MAST4: variants seen among roughly 807,000 people sequenced by gnomAD.
MAST4 encodes the protein microtubule associated serine/threonine kinase family member 4, also known as microtubule-associated serine/threonine-protein kinase 4.
A neutral mutation model predicts 162.7 loss-of-function variants in MAST4; 89 were observed. The ratio of observed to expected loss-of-function variants is 0.55; its 90% CI spans 0.46 to 0.65. The LOEUF (loss-of-function observed/expected upper bound fraction) is 0.65. Among genes scored for constraint, MAST4 ranks in the 30% least tolerant of loss-of-function variants. The pLI, the probability that MAST4 is intolerant of heterozygous loss-of-function variation, is 0.00. For missense variants in MAST4, 3,153 were observed against 3,374.0 expected, an observed-to-expected ratio of 0.93 and a Z score of 1.62; for synonymous variants, 1,479 against 1,361.1, an observed-to-expected ratio of 1.09 and a Z score of -1.91.
intron 1 of MAST4, among the ~76,000 whole-genome samples, chr5:66,651,162 G>C (rs1746190575): frequency 1.3e-5 from 2 of 152,048 alleles, no homozygotes; most frequent in African/African-American, 4.8e-5. Flanking sequence ...AGTTCTGTTA[G>C]CAGATTTGAT....
chr5:67,137,514 A>G (rs73766482), intron 19 of MAST4, among the ~76,000 whole-genome samples: 6,778 of 152,266 alleles, frequency 0.045, 505 homozygotes, highest in African/African-American at 0.15. Context: ...TTTTAATAGA[A>G]ATAACAGAAA....
At chr5:66,803,210 A>C (rs1756007138) in intron 3 of MAST4, among the ~76,000 whole-genome samples, 1 of 152,184 alleles carries the variant, frequency 6.6e-6, no homozygotes, top group Middle Eastern at 3.2e-3. Context: ...CTCTATATAC[A>C]TGAGTCTGTT....
At chr5:66,807,636 C>T (rs543683226) in intron 3 of MAST4, among the ~76,000 whole-genome samples, 16 of 152,174 alleles carry the variant, frequency 1.1e-4, no homozygotes, top group African/African-American at 3.6e-4. Context: ...GATCTCTTCC[C>T]ACTCATTCCT....
At chr5:66,815,315 G>A (rs1051531730) in intron 3 of MAST4, among the ~76,000 whole-genome samples, 3 of 152,164 alleles carry the variant, frequency 2.0e-5, no homozygotes, top group African/African-American at 7.2e-5. Context: ...CCCCTTATCT[G>A]AGGCTTGACT....
At chr5:66,654,413 C>G (rs561629444) in intron 1 of MAST4, among the ~76,000 whole-genome samples, 42 of 150,870 alleles carry the variant, frequency 2.8e-4, no homozygotes, top group African/African-American at 8.7e-4. Flanking sequence ...CATAAAAGGT[C>G]TGGGAGCCCA....
At position 66,946,660 on chromosome 5, in the gene MAST4, G is replaced by A. The variant is rs576701055; in HGVS notation, c.674+46678G>A. On this transcript the variant is annotated intron_variant, in intron 4 of 28. Transcript: ENST00000403625. ...TAAATGACAAGCGGTAATATATATG[G>A]TGAATGTTCCAGGTGTATTGGAAAT... is the stretch of plus-strand genomic sequence containing the variant. Among the ~76,000 whole-genome samples the A allele has an allele frequency of 4.6e-5, 7 of 152,254 alleles. No individual in the cohort carries two copies. In the South Asian group the frequency reaches 1.5e-3, roughly 32 times the overall value.
intron 1 of MAST4, among the ~76,000 whole-genome samples, chr5:66,727,415 C>T (rs1751591967): frequency 6.6e-6 from 1 of 152,198 alleles, no homozygotes. Context: ...CCTGCACAGG[C>T]TTCTCCAGGT....
In MAST4 at chr5:67,104,470, G is replaced by A. The variant is rs779736333; in HGVS notation, c.1251G>A (p.Gln417=). The stretch of plus-strand genomic sequence containing the variant: ...GAGTGCTTAGTTTCACTCACCACCA[G>A]ATTATTGAACTGGCTCGAGATTGCT... ...ADGVLSFTHH[Q]IIELARDCLD... is the part of the protein sequence containing the mutation. The change falls in exon 10 of 29, where the codon CAG becomes CAA. Residue 417 remains glutamine, a synonymous_variant. Transcript: ENST00000403625. The A allele has an allele frequency of 2.5e-6, 4 of 1,613,894 alleles. No individual in the cohort carries two copies. The highest frequency in any genetic ancestry group is 3.4e-6 in the Non-Finnish European group (4 of 1,179,826).
intron 1 of MAST4, among the ~76,000 whole-genome samples, chr5:66,660,117 G>A (rs1248763429): frequency 2.6e-5 from 4 of 152,192 alleles, no homozygotes; most frequent in Non-Finnish European, 5.9e-5. Context: ...GGCTGGCCAC[G>A]GTGGCTCACA....
At chr5:67,066,304 T>G (rs1024818534) in intron 5 of MAST4, among the ~76,000 whole-genome samples, 5 of 151,636 alleles carry the variant, frequency 3.3e-5, no homozygotes, top group Non-Finnish European at 7.4e-5. Context: ...TAAATAAATA[T>G]AAATCATCTA....
In MAST4 at chr5:66,596,653, G is replaced by C; in HGVS notation, c.-3G>C. 1 of 1,455,146 alleles carries C rather than the reference G, an allele frequency of 6.9e-7. No homozygotes were observed. Among genetic ancestry groups the C allele is most frequent in the Non-Finnish European group, 9.0e-7 (1 of 1,107,432 alleles). The allele number at this position is 1,455,146 out of a possible 1,614,324, so 90.1% of individuals were successfully genotyped here. ...CGGGAGGCACTTTGGGCCAGACAGG[G>C]AAATGGGGGAGAAAGTTTCGGAGGC... On this transcript the variant is annotated 5_prime_UTR_variant, in exon 1 of 29. Transcript: ENST00000403625.
intron 1 of MAST4, among the ~76,000 whole-genome samples, chr5:66,643,787 C>A (rs569113138): frequency 3.3e-5 from 5 of 151,522 alleles, no homozygotes; most frequent in Admixed American, 6.6e-5. Flanking sequence ...AGTTTAAATG[C>A]AAATGGAAAA....
At chr5:66,660,348 A>G (rs1242637925) in intron 1 of MAST4, among the ~76,000 whole-genome samples, 2 of 152,110 alleles carry the variant, frequency 1.3e-5, no homozygotes, top group Non-Finnish European at 2.9e-5. Flanking sequence ...AGATCGCGCC[A>G]TAGCACTCCA....
intron 5 of MAST4, among the ~76,000 whole-genome samples, chr5:67,075,178 T>TTTC (rs397720961): frequency 2.7e-5 from 4 of 148,940 alleles, no homozygotes; most frequent in African/African-American, 9.9e-5. Context: ...TTTTTTTTTT[T>TTTC]CGTTCCTTTT....
intron 1 of MAST4, among the ~76,000 whole-genome samples, chr5:66,746,117 T>G (rs182859764): frequency 6.6e-6 from 1 of 152,312 alleles, no homozygotes; most frequent in East Asian, 1.9e-4. Context: ...TACAGATGAT[T>G]TTTAGGTCCT....
chr5:66,816,474 G>T lies in MAST4; in HGVS notation c.642+27680G>T, dbSNP rs190852470. Among the ~76,000 whole-genome samples the T allele has an allele frequency of 1.3e-3, 201 of 152,228 alleles. 1 individual carries two copies. The highest frequency in any genetic ancestry group is 4.7e-3 in the African/African-American group (197 of 41,528). On this transcript the variant is annotated intron_variant, in intron 3 of 28. Coordinates refer to ENST00000403625, the MANE Select transcript of MAST4 (RefSeq NM_001164664.2). ...GGAACATAGTAGGAAAGTCTTTTAG[G>T]TATTTGAGCTGTTTTATGTAAGAGT...
intron 1 of MAST4, among the ~76,000 whole-genome samples, chr5:66,648,303 A>G (rs569413414): frequency 6.6e-6 from 1 of 152,124 alleles, no homozygotes; most frequent in Non-Finnish European, 1.5e-5. Flanking sequence ...TTAACTTGGC[A>G]TGGCAAAGAA....
intron 4 of MAST4, among the ~76,000 whole-genome samples, chr5:66,956,616 G>A (rs1745347887): frequency 6.6e-6 from 1 of 152,176 alleles, no homozygotes; most frequent in African/African-American, 2.4e-5. Flanking sequence ...CAGTTCTCTA[G>A]CATCCCCTCA....
chr5:67,085,480 A>C (rs78322547), intron 5 of MAST4, among the ~76,000 whole-genome samples: 1 of 152,216 alleles, frequency 6.6e-6, no homozygotes, highest in Non-Finnish European at 1.5e-5. Context: ...TTGTTGGCTC[A>C]ATCAGTCAAG....
Sources: allele counts gnomAD v4.1 joint callset (sites outside exome capture counted in the v4.1 genomes callset), GRCh38; gene constraint gnomAD v4.1.1; transcripts MANE v1.5; gene names NCBI Gene and HGNC (gene_info 2026-07-23, HGNC 2026-07-21).